The following PSMD3 variants were observed in gnomAD, a reference collection of about 807,000 sequenced individuals.
The protein encoded by PSMD3 is proteasome 26S subunit, non-ATPase 3.
PSMD3 carries 5 observed loss-of-function variants against 62.8 expected under a neutral mutation model. The observed-to-expected ratio is 0.08, with a 90% CI of 0.04 to 0.17. The LOEUF is 0.17. PSMD3 is among the 10% of genes least tolerant of loss of function. PSMD3 has a pLI of 1.00. For synonymous variants in PSMD3, 265 were observed against 283.9 expected, an observed-to-expected ratio of 0.93 and a Z score of 0.67; for missense variants, 524 against 713.6, an observed-to-expected ratio of 0.73 and a Z score of 3.03.
chr17:39,984,287 T>G lies in PSMD3; in HGVS notation c.221-7T>G. 6.2e-7 allele frequency: 1 copy of G among 1,608,784 alleles called. No individual in the cohort carries two copies. The highest frequency in any genetic ancestry group is 8.5e-7 in the Non-Finnish European group (1 of 1,176,952). ...GTGACATCATTTTCTTCTCTGCTCT[T>G]CTTCAGACATCAAGGAGCACGTGAA... On this transcript the variant is annotated splice_polypyrimidine_tract_variant and splice_region_variant and intron_variant, in intron 1 of 11. Transcript: ENST00000264639.
In PSMD3 at chr17:39,997,889, G is replaced by A. The variant is rs1490842483; in HGVS notation, c.*308G>A. ...TTTAGGGAGTGGGGGACTAGAACTG[G>A]GATGTCTTGGCTTGTATGTTTTTTG... On this transcript the variant is annotated 3_prime_UTR_variant, in exon 12 of 12. Coordinates refer to ENST00000264639, the MANE Select transcript of PSMD3 (RefSeq NM_002809.4). The A allele has an allele frequency of 4.6e-6, 2 of 437,306 alleles. No individual in the cohort carries two copies. Among genetic ancestry groups the A allele is most frequent in the Admixed American group, 7.5e-5 (2 of 26,838 alleles). The allele number at this position is 437,306 out of a possible 1,614,324, so 27.1% of individuals were successfully genotyped here.
chr17:39,992,390 GCCGTACC>G (rs1490634493), intron 6 of PSMD3, among the ~76,000 whole-genome samples: 1 of 152,128 alleles, frequency 6.6e-6, no homozygotes, highest in African/African-American at 2.4e-5. Context: ...ACACACCTTT[GCCGTACC>G]CCTGTCACCA....
At chr17:39,987,459 A>G (rs1980553031) in intron 3 of PSMD3, among the ~76,000 whole-genome samples, 1 of 151,760 alleles carries the variant, frequency 6.6e-6, no homozygotes, top group African/African-American at 2.4e-5. Context: ...TGATCCTTCC[A>G]CCTCAGCTTC....
intron 5 of PSMD3, 57 bp downstream of exon 5, chr17:39,989,986 A>G: frequency 6.3e-7 from 1 of 1,588,328 alleles, no homozygotes; most frequent in Non-Finnish European, 8.6e-7. Flanking sequence ...GCCTGGTGCA[A>G]ATTTTCCAAG....
In PSMD3 at chr17:39,997,347, C is replaced by T. The variant is rs1452306831; in HGVS notation, c.1494C>T (p.Pro498=). The change falls in exon 11 of 12, where the codon CCC becomes CCT. Residue 498 remains proline, a synonymous_variant. Coordinates refer to ENST00000264639, the MANE Select transcript of PSMD3 (RefSeq NM_002809.4). ...TGCCCCAGGCCATGAGGTTTCCTCC[C>T]AAATCGTACAACAAGGACTTGGAGT... is the stretch of plus-strand genomic sequence containing the variant. ...NMSVKAMRFP[P]KSYNKDLESA... is the part of the protein sequence containing the mutation. 1.2e-6 allele frequency: 2 copies of T among 1,614,174 alleles called. No individual in the cohort carries two copies. The highest frequency in any genetic ancestry group is 2.2e-5 in the East Asian group (1 of 44,882).
At chr17:39,986,030 A>G (rs1197345998) in intron 2 of PSMD3, among the ~76,000 whole-genome samples, 1 of 152,156 alleles carries the variant, frequency 6.6e-6, no homozygotes, top group Non-Finnish European at 1.5e-5. Context: ...TATGTTGTGT[A>G]AAGAAATTTT....
intron 3 of PSMD3, among the ~76,000 whole-genome samples, chr17:39,987,244 C>A (rs1980547308): frequency 6.6e-6 from 1 of 152,218 alleles, no homozygotes; most frequent in Non-Finnish European, 1.5e-5. Flanking sequence ...CTAGGGCCAG[C>A]TTCTTTGTTC....
intron 2 of PSMD3, 48 bp from the exon 3 acceptor site, chr17:39,986,527 T>C (rs1187583475): frequency 6.2e-7 from 1 of 1,603,066 alleles, no homozygotes; most frequent in Non-Finnish European, 8.5e-7. Context: ...AATTCTTGGT[T>C]ACTTGATCAG....
At position 39,989,726 on chromosome 17, in the gene PSMD3, T is replaced by G. The variant is rs1350870664; in HGVS notation, c.687-13T>G. Reference sequence around the variant, plus strand: ...GATTTGAAGGCTTTGACATCTTTCTTTCCTTCTTGAAGCTTCTTGCATGCT... The same window carrying G: ...GATTTGAAGGCTTTGACATCTTTCTGTCCTTCTTGAAGCTTCTTGCATGCT... On this transcript the variant is annotated splice_polypyrimidine_tract_variant and intron_variant, in intron 4 of 11. Transcript: ENST00000264639. 6.2e-7 allele frequency: 1 copy of G among 1,607,612 alleles called. No individual in the cohort carries two copies.
rs1598313386 is a variant in PSMD3, at chr17:39,989,790, G to T, written c.738G>T (p.Gly246=). Residue 246 remains glycine (G), a synonymous_variant, in exon 5 of 12, where the codon GGG becomes GGT. Coordinates refer to ENST00000264639, the MANE Select transcript of PSMD3 (RefSeq NM_002809.4). ...CTACGCTTCGGCATGACGCAGACGG[G>T]CAGGCCACCCTGTTGAACCTCCTGC... ...RTATLRHDAD[G]QATLLNLLLR... 3 of 1,614,026 alleles carry T rather than the reference G, an allele frequency of 1.9e-6. No individual in the cohort carries two copies. Among genetic ancestry groups the T allele is most frequent in the Non-Finnish European group, 1.7e-6 (2 of 1,180,048 alleles).
chr17:39,985,103 C>T (rs1980492044), intron 2 of PSMD3, among the ~76,000 whole-genome samples: 2 of 152,100 alleles, frequency 1.3e-5, no homozygotes. Flanking sequence ...TGGCACCTGC[C>T]TGTAGTCCCA....
Position 39,980,980 on chromosome 17 carries a change from G to T in PSMD3, c.10G>T (p.Glu4Ter). 6.5e-7 allele frequency: 1 copy of T among 1,545,402 alleles called. No homozygotes were observed. The highest frequency in any genetic ancestry group is 8.7e-7 in the Non-Finnish European group (1 of 1,147,242). Residue 4 changes from glutamate (E) to a stop codon, truncating the protein, a stop_gained, in exon 1 of 12, where the codon GAG (glutamate) becomes TAG (stop). Coordinates refer to ENST00000264639, the MANE Select transcript of PSMD3 (RefSeq NM_002809.4). LOFTEE classifies it high-confidence loss of function. ...CGTGACCCCGGGTGCCATGAAGCAG[G>T]AGGGCTCGGCGCGGCGCCGCGGCGC... is the stretch of plus-strand genomic sequence containing the variant. MKQ[E>*]GSARRRGADK...
rs9913561 is a variant in PSMD3, at chr17:39,988,814, G to C, written c.681G>C (p.Val227=). ...AGTTCCTGGACAAGCTGGATGTGGT[G>C]CGCAGGTACAGGCAGCCAAGCATCT... ...VYEFLDKLDV[V]RSFLHARLRT... The change falls in exon 4 of 12, where the codon GTG becomes GTC. Residue 227 remains valine, a synonymous_variant. Transcript: ENST00000264639. 4.0e-3 allele frequency: 6,374 copies of C among 1,613,628 alleles called. 221 individuals are homozygous for C. In the African/African-American group the frequency reaches 0.072, roughly 18 times the overall value.
intron 1 of PSMD3, among the ~76,000 whole-genome samples, chr17:39,982,088 C>T (rs558561929): frequency 6.6e-6 from 1 of 152,256 alleles, no homozygotes; most frequent in South Asian, 2.1e-4. Context: ...CACTAAAATG[C>T]GTGAGAAACT....
intron 2 of PSMD3, among the ~76,000 whole-genome samples, chr17:39,985,445 G>A (rs1980501092): frequency 6.6e-6 from 1 of 152,214 alleles, no homozygotes; most frequent in African/African-American, 2.4e-5. Flanking sequence ...AAGTCAGTTT[G>A]GTGGTGGTGG....
chr17:39,997,254 C>A, intron 10 of PSMD3, 76 bp from the exon 11 acceptor site: 1 of 1,423,318 alleles, frequency 7.0e-7, no homozygotes, highest in Non-Finnish European at 9.9e-7. Context: ...ACAGAGGGGA[C>A]GCAGGGAGTG....
Position 39,995,399 on chromosome 17 carries a change from AC to A in PSMD3, c.1217-21del. Reference sequence around the variant, plus strand: ...TGAAGGGTCTGTGTCCACTCTGCCCACCCCATCGCTCCTTCCTCTCCCAGGT... The same window carrying A: ...TGAAGGGTCTGTGTCCACTCTGCCCACCCATCGCTCCTTCCTCTCCCAGGT... On this transcript the variant is annotated intron_variant, in intron 8 of 11. Transcript: ENST00000264639. This position sits in a 1 kb window ranked among gnomAD's most constrained non-coding sequence, Gnocchi z 4.1. 1 of 1,612,700 alleles carries A rather than the reference AC, an allele frequency of 6.2e-7. No individual in the cohort carries two copies. The highest frequency in any genetic ancestry group is 8.5e-7 in the Non-Finnish European group (1 of 1,178,752).
At position 39,990,150 on chromosome 17, in the gene PSMD3, G is replaced by A. The variant is rs1456944827; in HGVS notation, c.934G>A (p.Ala312Thr). 1.2e-5 allele frequency: 20 copies of A among 1,613,390 alleles called. No homozygotes were observed. The highest frequency in any genetic ancestry group is 1.7e-4 in the Middle Eastern group (1 of 6,050). ...YSEARRTMTNALRKAPQHTAV... is the reference protein window; with the variant it reads ...YSEARRTMTNTLRKAPQHTAV... ...AGAGGCCCGGAGAACGATGACCAAC[G>A]CCCTTCGCAAGGCCCCTCAGCACAC... Residue 312 changes from alanine (A) to threonine (T), a missense_variant, in exon 6 of 12, where the codon GCC (alanine) becomes ACC (threonine). Physicochemically the swap from Ala to Thr is moderately conservative, Grantham distance 58. This residue lies in a region of PSMD3 where 396 missense variants were observed against 475.8 expected (regional missense o/e 0.83). Transcript: ENST00000264639.
chr17:39,996,726 T>C lies in PSMD3; in HGVS notation c.1476+388T>C. 1 of 477,094 alleles carries C rather than the reference T, an allele frequency of 2.1e-6. No individual in the cohort carries two copies. Among genetic ancestry groups the C allele is most frequent in the Non-Finnish European group, 4.1e-6 (1 of 241,442 alleles). 29.6% of individuals were successfully genotyped at this position (477,094 alleles called of 1,614,324 possible). On this transcript the variant is annotated intron_variant, in intron 10 of 11. Transcript: ENST00000264639. This position sits in a 1 kb window ranked among gnomAD's most constrained non-coding sequence, Gnocchi z 5.1. ...GGTTGGTAAGATTAAAAGAAGTCCC[T>C]GTATTGAGGCACTTAGCGAAGTCTA... is the stretch of plus-strand genomic sequence containing the variant.
Sources: allele counts gnomAD v4.1 joint callset (sites outside exome capture counted in the v4.1 genomes callset), GRCh38; gene constraint gnomAD v4.1.1; regional missense constraint gnomAD v4.1.1; non-coding constraint Gnocchi (gnomAD v3.1); transcripts MANE v1.5; gene names NCBI Gene and HGNC (gene_info 2026-07-23, HGNC 2026-07-21).